The following CDH8 variants were observed in gnomAD, a reference collection of about 807,000 sequenced individuals.
CDH8 encodes cadherin 8.
In CDH8, 17 loss-of-function variants were observed where a neutral mutation model predicts 68.1. The observed-to-expected ratio is 0.25, with a 90% CI of 0.17 to 0.37. CDH8 has a LOEUF of 0.37. CDH8 is among the 10% of genes least tolerant of loss of function. The pLI is 1.00. For synonymous variants in CDH8, 372 were observed against 365.1 expected, an observed-to-expected ratio of 1.02 and a Z score of -0.21; for missense variants, 763 against 999.3, an observed-to-expected ratio of 0.76 and a Z score of 3.19.
intron 8 of CDH8, among the ~76,000 whole-genome samples, chr16:61,784,025 C>T (rs1350559595): frequency 1.3e-5 from 2 of 152,124 alleles, no homozygotes; most frequent in East Asian, 3.9e-4. Flanking sequence ...GAAACTGCAT[C>T]AACTAACGAG....
intron 4 of CDH8, among the ~76,000 whole-genome samples, chr16:61,853,852 G>A (rs1010057502): frequency 1.1e-4 from 17 of 151,646 alleles, no homozygotes; most frequent in South Asian, 4.2e-4. Flanking sequence ...TCCCATTATC[G>A]GTTTATCCAC....
chr16:61,727,837 G>A (rs1385458374), intron 8 of CDH8, among the ~76,000 whole-genome samples: 2 of 150,998 alleles, frequency 1.3e-5, no homozygotes, highest in Admixed American at 6.6e-5. Flanking sequence ...CAATGCAAAC[G>A]AATAATAATC....
rs372698450 is a variant in CDH8, at chr16:61,821,013, T to C, written c.936A>G (p.Ser312=). The change falls in exon 6 of 12, where the codon TCA becomes TCG. Residue 312 remains serine (S), a synonymous_variant. Transcript: ENST00000577390. ...TTCCATCTCCATCGATGATATCATATGATGACTGTGCATTTTCACCAATAT... is the reference window on the plus strand; with the variant it reads ...TTCCATCTCCATCGATGATATCATACGATGACTGTGCATTTTCACCAATAT... ...DQDIGENAQS[S]YDIIDGDGTA... is the part of the protein sequence containing the mutation. The C allele has an allele frequency of 1.4e-5, 22 of 1,612,712 alleles. No homozygotes were observed. The highest frequency in any genetic ancestry group is 7.7e-5 in the South Asian group (7 of 91,036).
Position 61,652,106 on chromosome 16 carries a change from A to G in CDH8, c.*1502T>C. 2.1e-6 allele frequency: 2 copies of G among 950,128 alleles called. No homozygotes were observed. Among genetic ancestry groups the G allele is most frequent in the Non-Finnish European group, 2.5e-6 (2 of 797,784 alleles). 58.9% of individuals were successfully genotyped at this position (950,128 alleles called of 1,614,324 possible). On this transcript the variant is annotated 3_prime_UTR_variant, in exon 12 of 12. Transcript: ENST00000577390. ...GAATAAACAATATTGCATTAAAGCAAAGTAGAAAATTAAAATGATCTGCAT... is the reference window on the plus strand; with the variant it reads ...GAATAAACAATATTGCATTAAAGCAGAGTAGAAAATTAAAATGATCTGCAT...
At chr16:61,793,877 A>AAATTAATTTCTAT (rs1268535225) in intron 7 of CDH8, among the ~76,000 whole-genome samples, 2 of 152,078 alleles carry the variant, frequency 1.3e-5, no homozygotes. Context: ...CTAACAGAAG[A>AAATTAATTTCTAT]AATTAATTTC....
intron 10 of CDH8, among the ~76,000 whole-genome samples, chr16:61,668,343 T>G (rs1963720961): frequency 6.6e-6 from 1 of 151,904 alleles, no homozygotes; most frequent in Non-Finnish European, 1.5e-5. Flanking sequence ...TTTTCTCTGC[T>G]CTTAATTAGT....
chr16:61,735,330 A>G (rs1314363161), intron 8 of CDH8, among the ~76,000 whole-genome samples: 1 of 152,152 alleles, frequency 6.6e-6, no homozygotes, highest in Non-Finnish European at 1.5e-5. Flanking sequence ...CTAAAATAAT[A>G]CTATCACAAA....
intron 7 of CDH8, among the ~76,000 whole-genome samples, chr16:61,812,091 C>A (rs1961965218): frequency 6.6e-6 from 1 of 152,070 alleles, no homozygotes; most frequent in Non-Finnish European, 1.5e-5. Flanking sequence ...CACACACAAA[C>A]AAACATGCTC....
chr16:61,790,653 T>C (rs541827338), intron 7 of CDH8, among the ~76,000 whole-genome samples: 6 of 152,180 alleles, frequency 3.9e-5, no homozygotes, highest in South Asian at 4.2e-4. Flanking sequence ...TAGATACTTA[T>C]TATATGACAA....
chr16:61,878,538 T>C (rs535970577), intron 3 of CDH8, among the ~76,000 whole-genome samples: 3 of 152,286 alleles, frequency 2.0e-5, no homozygotes, highest in East Asian at 1.9e-4. Context: ...AACTTCCTCA[T>C]AGACTTTTTG....
chr16:61,880,527 G>A (rs1963555386), intron 3 of CDH8, among the ~76,000 whole-genome samples: 1 of 152,192 alleles, frequency 6.6e-6, no homozygotes, highest in Non-Finnish European at 1.5e-5. Flanking sequence ...CCAGTATGGA[G>A]AGTGGACAGA....
intron 3 of CDH8, among the ~76,000 whole-genome samples, chr16:61,895,354 A>G (rs1205370444): frequency 6.6e-6 from 1 of 152,146 alleles, no homozygotes; most frequent in Non-Finnish European, 1.5e-5. Context: ...TCAGCCACTT[A>G]ATATCTGACT....
chr16:61,967,533 G>T (rs370746372), intron 2 of CDH8, among the ~76,000 whole-genome samples: 1 of 152,136 alleles, frequency 6.6e-6, no homozygotes, highest in African/African-American at 2.4e-5. Context: ...GAGCTATCTT[G>T]GGGATGGAAA....
chr16:61,839,619 T>TA (rs1266471785), intron 4 of CDH8, among the ~76,000 whole-genome samples: 1 of 152,120 alleles, frequency 6.6e-6, no homozygotes, highest in East Asian at 1.9e-4. Context: ...CCTGATCTCT[T>TA]AGCACCCCAC....
chr16:61,752,943 G>T (rs1468475343), intron 8 of CDH8, among the ~76,000 whole-genome samples: 3 of 152,184 alleles, frequency 2.0e-5, no homozygotes, highest in African/African-American at 4.8e-5. Flanking sequence ...CTTTCTAAGG[G>T]AGGTAATGAT....
chr16:62,019,805 T>C (rs563688685), intron 2 of CDH8, among the ~76,000 whole-genome samples: 1 of 152,188 alleles, frequency 6.6e-6, no homozygotes, highest in Non-Finnish European at 1.5e-5. Flanking sequence ...ATGCATATAC[T>C]GAAGGGGGGC....
At chr16:61,800,224 G>A (rs1345895829) in intron 7 of CDH8, among the ~76,000 whole-genome samples, 1 of 152,276 alleles carries the variant, frequency 6.6e-6, no homozygotes, top group Middle Eastern at 3.4e-3. Flanking sequence ...CCAGTGTTCT[G>A]CCAGATGTAA....
intron 2 of CDH8, among the ~76,000 whole-genome samples, chr16:61,952,687 G>A (rs1964916984): frequency 6.6e-6 from 1 of 152,182 alleles, no homozygotes; most frequent in African/African-American, 2.4e-5. Flanking sequence ...GGTTGAATAA[G>A]CAAGCAGGGG....
chr16:61,716,480 TA>T (rs1964732745), intron 9 of CDH8, among the ~76,000 whole-genome samples: 1 of 151,716 alleles, frequency 6.6e-6, no homozygotes, highest in Admixed American at 6.6e-5. Flanking sequence ...AACTACTGAC[TA>T]AAAAGTCTCA....
Sources: allele counts gnomAD v4.1 joint callset (sites outside exome capture counted in the v4.1 genomes callset), GRCh38; gene constraint gnomAD v4.1.1; transcripts MANE v1.5; gene names NCBI Gene and HGNC (gene_info 2026-07-23, HGNC 2026-07-21).